The following RNF213 variants were observed in gnomAD, a reference collection of about 807,000 sequenced individuals.
RNF213 encodes the protein ring finger protein 213, also known as E3 ubiquitin-protein ligase RNF213.
RNF213 carries 341 observed loss-of-function variants against 514.4 expected under a neutral mutation model. The observed-to-expected ratio is 0.66, with a 90% confidence interval of 0.61 to 0.73. The LOEUF (loss-of-function observed/expected upper bound fraction) is 0.73. Ranked by LOEUF, RNF213 falls within the 30% of genes least tolerant of loss-of-function variation. The pLI is 0.00. For synonymous variants in RNF213, 2,655 were observed against 2,658.2 expected (o/e 1.00, Z 0.04); for missense variants, 5,767 against 6,615.6 (o/e 0.87, Z 4.45).
chr17:80,280,273 C>G (rs1459142116), intron 3 of RNF213, among the ~76,000 whole-genome samples: 2 of 152,126 alleles, frequency 1.3e-5, no homozygotes, highest in Non-Finnish European at 2.9e-5. Context: ...ATAGGCCATG[C>G]GAGGAGAAGA....
At chr17:80,305,701 G>A (rs756376690) in intron 11 of RNF213, among the ~76,000 whole-genome samples, 27 of 149,600 alleles carry the variant, frequency 1.8e-4, no homozygotes, top group Non-Finnish European at 3.1e-4. Flanking sequence ...AATCTCTGCC[G>A]CCGGGGCTCA....
intron 20 of RNF213, among the ~76,000 whole-genome samples, chr17:80,331,308 G>T (rs763246693): frequency 7.2e-5 from 11 of 152,042 alleles, no homozygotes; most frequent in Non-Finnish European, 1.2e-4. Context: ...ATTTACCACT[G>T]GTTCAGCTCG....
intron 3 of RNF213, among the ~76,000 whole-genome samples, chr17:80,282,162 C>A (rs948408044): frequency 6.6e-6 from 1 of 152,144 alleles, no homozygotes; most frequent in African/African-American, 2.4e-5. Flanking sequence ...CGGCCCCCGA[C>A]ACCATGCACT....
rs1474490956 is a variant in RNF213, at chr17:80,295,778, C to T, written c.1977C>T (p.His659=). The T allele has an allele frequency of 1.2e-6, 2 of 1,614,160 alleles. No individual in the cohort carries two copies. The highest frequency in any genetic ancestry group is 1.7e-6 in the Non-Finnish European group (2 of 1,180,032). ...ATGCCAGCTCACCAGATGAGTTTCA[C>T]CGTGACCTAAGCCACATCCTTGGGA... is the stretch of plus-strand genomic sequence containing the variant. The part of the protein sequence containing the change: ...TSDASSPDEF[H]RDLSHILGIP... The change falls in exon 10 of 68, where the codon CAC becomes CAT. Residue 659 remains histidine (H), a synonymous_variant. Coordinates refer to ENST00000582970, the MANE Select transcript of RNF213 (RefSeq NM_001256071.3).
chr17:80,328,986 C>T (rs754203985), intron 20 of RNF213, among the ~76,000 whole-genome samples: 2 of 152,236 alleles, frequency 1.3e-5, no homozygotes, highest in South Asian at 2.1e-4. Flanking sequence ...GTTAATGATA[C>T]GCTGTTTTCA....
chr17:80,297,805 A>AT (rs1555647761), intron 10 of RNF213, among the ~76,000 whole-genome samples: 6 of 145,938 alleles, frequency 4.1e-5, no homozygotes, highest in African/African-American at 1.6e-4. Context: ...AAAAAAAAAA[A>AT]TGTAGCTAGC....
At position 80,325,937 on chromosome 17, in the gene RNF213, G is replaced by GTATTTATTTATT. The variant is rs144887674; in HGVS notation, c.3193+765_3193+776dup. 3.3e-3 allele frequency among the ~76,000 whole-genome samples: 482 copies of GTATTTATTTATT among 147,450 alleles called. 2 individuals are homozygous for GTATTTATTTATT. Among genetic ancestry groups the GTATTTATTTATT allele is most frequent in the African/African-American group, 0.011 (441 of 39,676 alleles). On this transcript the variant is annotated intron_variant, in intron 18 of 67. Transcript: ENST00000582970. ...TGAAAAGATCATTTTTGTGTTATTT[G>GTATTTATTTATT]TATTTATTTATTTATTTATTTATTT...
At chr17:80,374,675 G>A (rs1259472639) in intron 50 of RNF213, 86 bp downstream of exon 50, 2 of 1,501,806 alleles carry the variant, frequency 1.3e-6, no homozygotes, top group East Asian at 2.4e-5. Flanking sequence ...AATGATGCAG[G>A]GTGATGGACC....
Position 80,349,753 on chromosome 17 carries a change from A to C in RNF213, c.9952-17A>C. Reference sequence around the variant, plus strand: ...CCTTGAAGTCTGGCAAGTAATTTGCATTTCTTAACTCTGTAGATCACCACT... The same window carrying C: ...CCTTGAAGTCTGGCAAGTAATTTGCCTTTCTTAACTCTGTAGATCACCACT... On this transcript the variant is annotated splice_polypyrimidine_tract_variant and intron_variant, in intron 29 of 67. Coordinates refer to ENST00000582970, the MANE Select transcript of RNF213 (RefSeq NM_001256071.3). The C allele has an allele frequency of 6.2e-7, 1 of 1,614,050 alleles. No homozygotes were observed. Among genetic ancestry groups the C allele is most frequent in the South Asian group, 1.1e-5 (1 of 91,080 alleles).
intron 62 of RNF213, 39 bp from the exon 63 acceptor site, chr17:80,386,651 C>G (rs765854038): frequency 6.3e-7 from 1 of 1,599,488 alleles, no homozygotes; most frequent in South Asian, 1.1e-5. Flanking sequence ...GGCCCGCATG[C>G]CTGGCCTGGA....
At chr17:80,333,805 A>G (rs924006624) in intron 21 of RNF213, 22 of 357,192 alleles carry the variant, frequency 6.2e-5, no homozygotes, top group Non-Finnish European at 1.2e-4. Context: ...AAGCAGAAAA[A>G]GCAACAGTAG....
rs1236272883 is a variant in RNF213, at chr17:80,336,158, C to T, written c.4310-3C>T. On this transcript the variant is annotated splice_region_variant and splice_polypyrimidine_tract_variant and intron_variant, in intron 22 of 67. Transcript: ENST00000582970. ...CGCTGAACTCCCCTCTTCTCTTCCC[C>T]AGGCATCAATGAGCTGAAGGTGTTT... 2.0e-6 allele frequency: 3 copies of T among 1,536,646 alleles called. No homozygotes were observed. The highest frequency in any genetic ancestry group is 1.2e-5 in the South Asian group (1 of 84,046).
At chr17:80,284,683 C>T (rs2044410204) in intron 3 of RNF213, among the ~76,000 whole-genome samples, 1 of 152,154 alleles carries the variant, frequency 6.6e-6, no homozygotes, top group Non-Finnish European at 1.5e-5. Context: ...GCAGGCGTCT[C>T]CGGCCCTGTC....
At chr17:80,373,342 T>G (rs1443085906) in intron 49 of RNF213, among the ~76,000 whole-genome samples, 177 bp downstream of exon 49, 1 of 136,050 alleles carries the variant, frequency 7.4e-6, no homozygotes, top group Non-Finnish European at 1.6e-5. Context: ...CACCTCACCC[T>G]CACACCCAGG....
chr17:80,360,020 TC>T, intron 37 of RNF213, 40 bp from the exon 38 acceptor site: 1 of 1,609,720 alleles, frequency 6.2e-7, no homozygotes, highest in Non-Finnish European at 8.5e-7. Context: ...TTGAGTGACG[TC>T]TCACAAACCC....
In RNF213 at chr17:80,383,972, G is replaced by A. The variant is rs2080127579; in HGVS notation, c.14322+44G>A. On this transcript the variant is annotated intron_variant, in intron 59 of 67. Coordinates refer to ENST00000582970, the MANE Select transcript of RNF213 (RefSeq NM_001256071.3). ...GGCTCCCTCCCTCTTTCGGTGCAGA[G>A]TTCCCCAGCAGGCCTGAAGGCCCTG... 4 of 1,613,508 alleles carry A rather than the reference G, an allele frequency of 2.5e-6. No homozygotes were observed. The South Asian group carries it at 3.3e-5, about 13-fold the overall frequency.
chr17:80,279,669 A>G (rs1181509245), intron 3 of RNF213, among the ~76,000 whole-genome samples: 6 of 151,868 alleles, frequency 4.0e-5, no homozygotes, highest in Non-Finnish European at 7.4e-5. Flanking sequence ...GGGTTTCACC[A>G]TGTTGGCCAG....
rs1161851217 is a variant in RNF213 at position 80,377,648 on chromosome 17, C to T, written c.13511-114C>T. The T allele has an allele frequency of 2.7e-6, 3 of 1,110,204 alleles. No homozygotes were observed. Among genetic ancestry groups the T allele is most frequent in the East Asian group, 2.3e-5 (1 of 42,638 alleles). The allele number at this position is 1,110,204 out of a possible 1,614,324, so 68.8% of individuals were successfully genotyped here. A position where few individuals can be genotyped will look rare whatever the true frequency, so the allele number is the denominator to read the frequency against. ...ACAAATTAGCGTGGGATGCTCTGGACAGTCATTCTCATATTGTGGTCAGGG... is the reference window on the plus strand; with the variant it reads ...ACAAATTAGCGTGGGATGCTCTGGATAGTCATTCTCATATTGTGGTCAGGG... On this transcript the variant is annotated intron_variant, in intron 53 of 67. Coordinates refer to ENST00000582970, the MANE Select transcript of RNF213 (RefSeq NM_001256071.3). This position sits in a 1 kb window ranked among gnomAD's most constrained non-coding sequence, Gnocchi z 4.1.
chr17:80,324,643 C>G (rs1470562070), intron 17 of RNF213, among the ~76,000 whole-genome samples: 2 of 151,164 alleles, frequency 1.3e-5, no homozygotes, highest in East Asian at 3.9e-4. Flanking sequence ...TTGTAGGCAG[C>G]TTTTTAAAAG....
Sources: allele counts gnomAD v4.1 joint callset (sites outside exome capture counted in the v4.1 genomes callset), GRCh38; gene constraint gnomAD v4.1.1; non-coding constraint Gnocchi (gnomAD v3.1); transcripts MANE v1.5; gene names NCBI Gene and HGNC (gene_info 2026-07-23, HGNC 2026-07-21).